Variants in MEGF11 observed in about 807,000 individuals in gnomAD.
MEGF11 encodes the protein multiple epidermal growth factor-like domains protein 11.
Under a neutral mutation model 146.6 loss-of-function variants are expected in MEGF11, and 126 were observed. The observed-to-expected ratio is 0.86, with a 90% confidence interval of 0.74 to 1.00. The LOEUF is 1.00. Among genes scored for constraint, MEGF11 ranks in the 50% least tolerant of loss-of-function variants. The pLI is 0.00. For synonymous variants in MEGF11, 532 were observed against 583.4 expected, an observed-to-expected ratio of 0.91 and a Z score of 1.27; for missense variants, 1,509 against 1,521.2, an observed-to-expected ratio of 0.99 and a Z score of 0.13.
chr15:66,224,505 A>G (rs1051243675), intron 1 of MEGF11, among the ~76,000 whole-genome samples: 3 of 151,372 alleles, frequency 2.0e-5, no homozygotes, highest in African/African-American at 7.3e-5. Context: ...AATCACTTGA[A>G]CCCGGGAGGC....
chr15:66,055,424 G>A (rs780891488), intron 5 of MEGF11, among the ~76,000 whole-genome samples: 36 of 152,256 alleles, frequency 2.4e-4, no homozygotes, highest in East Asian at 1.5e-3. Flanking sequence ...GTTTTTCTTC[G>A]TAAATGTCAT....
At chr15:66,243,044 T>G (rs868795317) in intron 1 of MEGF11, among the ~76,000 whole-genome samples, 2 of 152,086 alleles carry the variant, frequency 1.3e-5, no homozygotes, top group African/African-American at 2.4e-5. Context: ...CTCTTCTACA[T>G]ACACACACAC....
At position 65,922,963 on chromosome 15, in the gene MEGF11, C is replaced by A. The variant is rs144721492; in HGVS notation, c.1682G>T (p.Arg561Leu). 3.7e-6 allele frequency: 6 copies of A among 1,611,992 alleles called. No homozygotes were observed. The African/African-American group carries it at 8.0e-5, about 22-fold the overall frequency. Residue 561 changes from arginine (R) to leucine (L), a missense_variant, in exon 14 of 26, where the codon CGC becomes CTC. Transcript: ENST00000395614. ...CCCLAGWTGI[R>L]CDSTCPPGRW... Reference sequence around the variant, plus strand: ...GCCAGGTGGACACGTGCTGTCACAGCGGATGCCTGTGGGCCAGAGGCAGAC... The same window carrying A: ...GCCAGGTGGACACGTGCTGTCACAGAGGATGCCTGTGGGCCAGAGGCAGAC...
At chr15:66,040,926 TCC>T (rs11435723) in intron 5 of MEGF11, among the ~76,000 whole-genome samples, 2 of 145,074 alleles carry the variant, frequency 1.4e-5, no homozygotes, top group African/African-American at 2.6e-5. Flanking sequence ...TTTTTTTTTT[TCC>T]CCCCCGGTTT....
At chr15:66,003,071 G>T (rs2082413779) in intron 5 of MEGF11, among the ~76,000 whole-genome samples, 1 of 151,174 alleles carries the variant, frequency 6.6e-6, no homozygotes, top group Non-Finnish European at 1.5e-5. Flanking sequence ...TCAATTCACT[G>T]CAATCTCTGC....
intron 1 of MEGF11, among the ~76,000 whole-genome samples, chr15:66,221,985 AG>A (rs1415833010): frequency 6.6e-6 from 1 of 152,182 alleles, no homozygotes; most frequent in Non-Finnish European, 1.5e-5. Flanking sequence ...AATCCCAATT[AG>A]GCCGCTTGCA....
chr15:66,192,384 C>T (rs2090905688), intron 1 of MEGF11, among the ~76,000 whole-genome samples: 1 of 151,470 alleles, frequency 6.6e-6, no homozygotes, highest in East Asian at 1.9e-4. Context: ...GCACGAGACT[C>T]GTTTGAACTG....
intron 5 of MEGF11, among the ~76,000 whole-genome samples, chr15:66,092,969 C>T (rs2086382267): frequency 6.6e-6 from 1 of 152,210 alleles, no homozygotes; most frequent in South Asian, 2.1e-4. Context: ...ACATTTTACC[C>T]AGTGTGTTTT....
At chr15:66,179,195 T>C (rs1226369951) in intron 1 of MEGF11, among the ~76,000 whole-genome samples, 4 of 152,190 alleles carry the variant, frequency 2.6e-5, no homozygotes, top group Non-Finnish European at 4.4e-5. Flanking sequence ...TGCAGTGATA[T>C]GATCTCAGCT....
At chr15:65,958,674 C>T (rs922249438) in intron 9 of MEGF11, among the ~76,000 whole-genome samples, 1 of 152,202 alleles carries the variant, frequency 6.6e-6, no homozygotes, top group African/African-American at 2.4e-5. Context: ...TTTCTTAGAA[C>T]CGTGCTGTGG....
intron 2 of MEGF11, among the ~76,000 whole-genome samples, chr15:66,124,953 C>T (rs913566394): frequency 6.6e-6 from 1 of 152,240 alleles, no homozygotes; most frequent in Admixed American, 6.5e-5. Context: ...CAGTGTTTTT[C>T]CCAGAAGGCT....
chr15:65,909,705 A>T (rs545238984), intron 22 of MEGF11, 35 bp downstream of exon 22: 13 of 1,533,204 alleles, frequency 8.5e-6, no homozygotes, highest in Non-Finnish European at 1.1e-5. Flanking sequence ...AGGGTGGGAC[A>T]TGATGGTGGG....
In MEGF11 at chr15:66,193,363, T is replaced by G. The variant is rs552496506; in HGVS notation, c.-9+60242A>C. On this transcript the variant is annotated intron_variant, in intron 1 of 25. Transcript: ENST00000395614. ...TTCATTGATTCATGCAACAGAAATCTGTTCAGCACCTACTAAGTGCCAGAC... is the reference window on the plus strand; with the variant it reads ...TTCATTGATTCATGCAACAGAAATCGGTTCAGCACCTACTAAGTGCCAGAC... Among the ~76,000 whole-genome samples the G allele has an allele frequency of 5.8e-4, 88 of 152,334 alleles. 1 individual carries two copies. The highest frequency in any genetic ancestry group is 5.2e-3 in the Admixed American group (80 of 15,306).
chr15:66,212,419 A>C (rs550225005), intron 1 of MEGF11, among the ~76,000 whole-genome samples: 7 of 152,136 alleles, frequency 4.6e-5, no homozygotes, highest in African/African-American at 1.7e-4. Context: ...GACTGGCTGC[A>C]AAAGGGAAGC....
At chr15:66,132,309 G>C (rs764209588) in intron 1 of MEGF11, among the ~76,000 whole-genome samples, 4 of 152,268 alleles carry the variant, frequency 2.6e-5, no homozygotes, top group Non-Finnish European at 4.4e-5. Context: ...AAGGCAGACA[G>C]ACAGATGGCC....
At position 65,916,840 on chromosome 15, in the gene MEGF11, A is replaced by G. The variant is rs2141224659; in HGVS notation, c.2203T>C (p.Phe735Leu). ...CHCTPGWTGL[F>L]CTQRCPAAFF... ...AGGTGGGGCTTACGCTGTGTGCAGAAGAGTCCAGTCCAGCCAGGGGTGCAG... is the reference window on the plus strand; with the variant it reads ...AGGTGGGGCTTACGCTGTGTGCAGAGGAGTCCAGTCCAGCCAGGGGTGCAG... Residue 735 changes from phenylalanine to leucine, a missense_variant, in exon 17 of 26, where the codon TTC becomes CTC. Coordinates refer to ENST00000395614, the MANE Select transcript of MEGF11 (RefSeq NM_001385028.1). 1 of 1,608,002 alleles carries G rather than the reference A, an allele frequency of 6.2e-7. No homozygotes were observed. The highest frequency in any genetic ancestry group is 2.2e-5 in the East Asian group (1 of 44,632).
At chr15:66,078,988 A>G (rs2085716403) in intron 5 of MEGF11, among the ~76,000 whole-genome samples, 1 of 152,148 alleles carries the variant, frequency 6.6e-6, no homozygotes, top group African/African-American at 2.4e-5. Context: ...TGGCTTTCTC[A>G]GGTCCAAAAA....
chr15:66,197,381 C>T (rs1480539329), intron 1 of MEGF11, among the ~76,000 whole-genome samples: 1 of 152,022 alleles, frequency 6.6e-6, no homozygotes, highest in African/African-American at 2.4e-5. Context: ...TTTTCCCTGC[C>T]TTTGGGGCCA....
At chr15:66,112,279 T>C (rs1342810436) in intron 4 of MEGF11, among the ~76,000 whole-genome samples, 1 of 151,942 alleles carries the variant, frequency 6.6e-6, no homozygotes, top group Non-Finnish European at 1.5e-5. Flanking sequence ...GAATTCATAA[T>C]GAAAGAATAG....
Sources: allele counts gnomAD v4.1 joint callset (sites outside exome capture counted in the v4.1 genomes callset), GRCh38; gene constraint gnomAD v4.1.1; transcripts MANE v1.5; gene names NCBI Gene and HGNC (gene_info 2026-07-23, HGNC 2026-07-21).